Variants in LIMD1 observed in about 807,000 individuals in gnomAD.
The protein encoded by LIMD1 is LIM domain-containing protein 1.
In LIMD1, 23 loss-of-function variants were observed where a neutral mutation model predicts 58.4. That is an observed-to-expected ratio of 0.39 (90% CI 0.28 to 0.56). The LOEUF is 0.56. Ranked by LOEUF, LIMD1 falls within the 20% of genes least tolerant of loss-of-function variation. The probability of loss-of-function intolerance (pLI) is 0.57; values close to 1 mark genes in which losing one functional copy is unlikely to be tolerated. For synonymous variants in LIMD1, 334 were observed against 345.5 expected (o/e 0.97, Z 0.37); for missense variants, 838 against 855.5 (o/e 0.98, Z 0.25).
intron 1 of LIMD1, among the ~76,000 whole-genome samples, chr3:45,610,653 C>T (rs1701514701): frequency 6.6e-6 from 1 of 152,182 alleles, no homozygotes; most frequent in Non-Finnish European, 1.5e-5. Context: ...CTGCCAACAG[C>T]TGTGAGACCT....
At chr3:45,629,711 G>C (rs1701707238) in intron 1 of LIMD1, among the ~76,000 whole-genome samples, 1 of 152,174 alleles carries the variant, frequency 6.6e-6, no homozygotes, top group Non-Finnish European at 1.5e-5. Flanking sequence ...CAGCTGGATG[G>C]CGAGAGGATG....
chr3:45,644,287 C>T (rs1289116915), intron 2 of LIMD1, among the ~76,000 whole-genome samples: 1 of 152,202 alleles, frequency 6.6e-6, no homozygotes, highest in Non-Finnish European at 1.5e-5. Context: ...CTTACAAAGT[C>T]TAAATACTGC....
At chr3:45,603,053 C>T (rs1419042007) in intron 1 of LIMD1, among the ~76,000 whole-genome samples, 15 of 152,170 alleles carry the variant, frequency 9.9e-5, no homozygotes, top group Admixed American at 8.5e-4. Flanking sequence ...GTTGGCCAGG[C>T]TGGTCTTGAG....
chr3:45,609,909 T>A (rs937587808), intron 1 of LIMD1, among the ~76,000 whole-genome samples: 7 of 152,276 alleles, frequency 4.6e-5, no homozygotes, highest in Admixed American at 1.3e-4. Flanking sequence ...ACTTACTGAA[T>A]GAGGCTGGGT....
At chr3:45,633,318 C>T (rs117287678) in intron 1 of LIMD1, among the ~76,000 whole-genome samples, 2 of 152,252 alleles carry the variant, frequency 1.3e-5, no homozygotes, top group East Asian at 1.9e-4. Context: ...TATTCTATAT[C>T]TTGATTTGGG....
At chr3:45,672,854 G>GT (rs759694515) in intron 5 of LIMD1, 34 bp downstream of exon 5, 24 of 1,610,826 alleles carry the variant, frequency 1.5e-5, no homozygotes, top group Non-Finnish European at 2.0e-5. Context: ...GGACCCATTC[G>GT]TGTAGGCCAA....
chr3:45,616,465 A>G (rs570512494), intron 1 of LIMD1, among the ~76,000 whole-genome samples: 1 of 152,286 alleles, frequency 6.6e-6, no homozygotes, highest in East Asian at 1.9e-4. Flanking sequence ...GGGCTTGGAA[A>G]GAATCCTTCA....
rs1477440328 is a variant in LIMD1 at position 45,681,119 on chromosome 3, T to C, written c.*4060T>C. ...AATCTTCATATAGTGTATGAAAATT[T>C]CATTGTACAGGGAAATTATTTTCCT... On this transcript the variant is annotated 3_prime_UTR_variant, in exon 8 of 8. Transcript: ENST00000273317. The C allele has an allele frequency of 6.6e-6, 1 of 152,228 alleles. No individual in the cohort carries two copies. Among genetic ancestry groups the C allele is most frequent in the Non-Finnish European group, 1.5e-5 (1 of 68,034 alleles). The allele number at this position is 152,228 out of a possible 1,614,324, so 9.4% of individuals were successfully genotyped here.
intron 6 of LIMD1, chr3:45,673,929 A>AAGTC (rs1697631079): frequency 3.8e-6 from 1 of 259,994 alleles, no homozygotes. Flanking sequence ...CCTTTGAGAT[A>AAGTC]AGTCGTGTCT....
intron 1 of LIMD1, chr3:45,613,116 A>G (rs1421480696): frequency 2.6e-5 from 4 of 152,228 alleles, no homozygotes; most frequent in Non-Finnish European, 4.4e-5. Flanking sequence ...TAGTGTTCCT[A>G]AGAGCAAGAG....
intron 2 of LIMD1, among the ~76,000 whole-genome samples, chr3:45,637,691 G>C (rs1432837592): frequency 6.6e-6 from 1 of 152,222 alleles, no homozygotes; most frequent in African/African-American, 2.4e-5. Flanking sequence ...AGAAGGGAAG[G>C]GGAAGAACTT....
At chr3:45,631,239 A>T (rs575404776) in intron 1 of LIMD1, among the ~76,000 whole-genome samples, 21 of 151,984 alleles carry the variant, frequency 1.4e-4, no homozygotes, top group Admixed American at 1.3e-3. Flanking sequence ...CAAAGAAAAA[A>T]ATATCTGTGA....
intron 1 of LIMD1, among the ~76,000 whole-genome samples, chr3:45,625,478 G>T (rs1164467289): frequency 6.6e-6 from 1 of 152,122 alleles, no homozygotes; most frequent in Non-Finnish European, 1.5e-5. Flanking sequence ...AATGTGTTCA[G>T]TGCTTATTTG....
In LIMD1 at chr3:45,673,495, T is replaced by C. The variant is rs759802179; in HGVS notation, c.1814T>C (p.Leu605Pro). 4.3e-6 allele frequency: 7 copies of C among 1,613,704 alleles called. No individual in the cohort carries two copies. The highest frequency in any genetic ancestry group is 5.9e-6 in the Non-Finnish European group (7 of 1,179,596). The change falls in exon 6 of 8, where the codon CTT becomes CCT. Residue 605 changes from leucine to proline, a missense_variant. This residue lies in a region of LIMD1 where 174 missense variants were observed against 197.4 expected (regional missense o/e 0.88). Transcript: ENST00000273317. ...TGTGCAGCCTGTGGGCTTCCCATCC[T>C]TCCACCTGAGGTAAGATGCCCTTCC... is the stretch of plus-strand genomic sequence containing the variant. ...PKCAACGLPI[L>P]PPEGSDETIR...
Position 45,672,722 on chromosome 3 carries a change from C to A in LIMD1, c.1674C>A (p.Pro558=), listed in dbSNP as rs772955390. ...ILQALGKSYH[P]GCFRCVICNE... The stretch of plus-strand genomic sequence containing the variant: ...AAGCCCTGGGGAAGTCCTACCACCC[C>A]GGCTGTTTCCGCTGTGTCATCTGTA... The change falls in exon 5 of 8, where the codon CCC becomes CCA. Residue 558 remains proline, a synonymous_variant. Coordinates refer to ENST00000273317, the MANE Select transcript of LIMD1 (RefSeq NM_014240.3). 6.2e-7 allele frequency: 1 copy of A among 1,614,008 alleles called. No homozygotes were observed.
At chr3:45,650,810 G>A (rs921611183) in intron 2 of LIMD1, among the ~76,000 whole-genome samples, 1 of 152,008 alleles carries the variant, frequency 6.6e-6, no homozygotes, top group Admixed American at 6.6e-5. Flanking sequence ...GTGTGCGTGT[G>A]TCTTTATAGC....
chr3:45,636,779 C>T (rs1472142933), intron 2 of LIMD1, among the ~76,000 whole-genome samples: 1 of 152,108 alleles, frequency 6.6e-6, no homozygotes, highest in Middle Eastern at 3.2e-3. Context: ...TGGTGCCTAC[C>T]TAGCACACAC....
At chr3:45,596,416 T>TTC in intron 1 of LIMD1, 129 bp downstream of exon 1, 1 of 758,966 alleles carries the variant, frequency 1.3e-6, no homozygotes, top group Non-Finnish European at 2.1e-6. Flanking sequence ...TTTTTATTTT[T>TTC]TTGTTTTGGG....
chr3:45,652,193 C>A lies in LIMD1; in HGVS notation c.1511-13457C>A, dbSNP rs114963076. 4.2e-3 allele frequency among the ~76,000 whole-genome samples: 647 copies of A among 152,310 alleles called. 1 individual carries two copies. Among genetic ancestry groups the A allele is most frequent in the African/African-American group, 0.015 (607 of 41,570 alleles). ...ACGCCTTCCTTGGCCTCCCTAAGTG[C>A]TGGCATTACAGGTGAGAGCCACCAT... is the stretch of plus-strand genomic sequence containing the variant. On this transcript the variant is annotated intron_variant, in intron 2 of 7. Coordinates refer to ENST00000273317, the MANE Select transcript of LIMD1 (RefSeq NM_014240.3).
Sources: gnomAD v4.1 joint callset for allele counts (sites outside exome capture counted in the v4.1 genomes callset) on GRCh38, gnomAD v4.1.1 for gene constraint, gnomAD v4.1.1 regional missense constraint, MANE v1.5 for transcripts, NCBI Gene and HGNC (gene_info 2026-07-23, HGNC 2026-07-21) for gene names.